SMC1B: variants seen among roughly 807,000 people sequenced by gnomAD.
SMC1B encodes the protein structural maintenance of chromosomes 1B.
Under a neutral mutation model 157.9 loss-of-function variants are expected in SMC1B, and 60 were observed. The ratio of observed to expected loss-of-function variants is 0.38; its 90% confidence interval spans 0.31 to 0.47. The LOEUF is 0.47. Among genes scored for constraint, SMC1B ranks in the 20% least tolerant of loss-of-function variants. SMC1B has a pLI of 0.99. For synonymous variants in SMC1B, 445 were observed against 483.0 expected (o/e 0.92, Z 1.03); for missense variants, 1,165 against 1,426.2 (o/e 0.82, Z 2.95).
chr22:45,392,586 G>A (rs978127263), intron 9 of SMC1B, among the ~76,000 whole-genome samples: 13 of 151,796 alleles, frequency 8.6e-5, no homozygotes, highest in Non-Finnish European at 2.9e-5. Flanking sequence ...TCCAGAAGTC[G>A]AAACCAACAT....
intron 21 of SMC1B, 81 bp downstream of exon 21, chr22:45,353,897 A>AAAAAAAAAAAAAC: frequency 2.1e-6 from 1 of 482,232 alleles, no homozygotes; most frequent in Non-Finnish European, 3.3e-6. Context: ...TCCCACCAAA[A>AAAAAAAAAAAAAC]AAAAAAAAAA....
intron 14 of SMC1B, among the ~76,000 whole-genome samples, chr22:45,370,291 T>C (rs1323020601): frequency 6.6e-6 from 1 of 152,220 alleles, no homozygotes; most frequent in East Asian, 1.9e-4. Context: ...ATTGGCCTTA[T>C]TAAGTGCTTT....
At chr22:45,378,013 A>AT (rs1289785836) in intron 12 of SMC1B, among the ~76,000 whole-genome samples, 5 of 151,672 alleles carry the variant, frequency 3.3e-5, no homozygotes, top group Non-Finnish European at 5.9e-5. Flanking sequence ...TAATTTTTTA[A>AT]TTTTTTATTT....
rs538720413 is a variant in SMC1B at position 45,384,361 on chromosome 22, G to T, written c.1912-748C>A. ...TTGCCATGCAGAAACTCTTTATTAGGTGAATTCATTCATCTTTTATAGCTT... is the reference window on the plus strand; with the variant it reads ...TTGCCATGCAGAAACTCTTTATTAGTTGAATTCATTCATCTTTTATAGCTT... On this transcript the variant is annotated intron_variant, in intron 11 of 24. Coordinates refer to ENST00000357450, the MANE Select transcript of SMC1B (RefSeq NM_148674.5). Among the ~76,000 whole-genome samples, 36 of 152,074 alleles carry T rather than the reference G, an allele frequency of 2.4e-4. No homozygotes were observed. The South Asian group carries it at 7.1e-3, about 30-fold the overall frequency.
At position 45,344,514 on chromosome 22, in the gene SMC1B, T is replaced by A; in HGVS notation, c.*42A>T. The A allele has an allele frequency of 7.2e-7, 1 of 1,397,406 alleles. No individual in the cohort carries two copies. The highest frequency in any genetic ancestry group is 1.0e-6 in the Non-Finnish European group (1 of 983,716). The allele number at this position is 1,397,406 out of a possible 1,614,324, so 86.6% of individuals were successfully genotyped here. A position where few individuals can be genotyped will look rare whatever the true frequency, so the allele number is the denominator to read the frequency against. ...TGGAGGAGCTGTGTGAGTATTAGAG[T>A]GGGAACTGAACAGTGATCAGGTGAC... On this transcript the variant is annotated 3_prime_UTR_variant, in exon 25 of 25. Coordinates refer to ENST00000357450, the MANE Select transcript of SMC1B (RefSeq NM_148674.5).
chr22:45,409,259 A>G (rs2087299990), intron 1 of SMC1B, among the ~76,000 whole-genome samples: 2 of 152,144 alleles, frequency 1.3e-5, no homozygotes, highest in Non-Finnish European at 2.9e-5. Flanking sequence ...AAATCCTCTT[A>G]TACTCTAAAA....
chr22:45,349,015 A>ATTTTT (rs1183927337), intron 23 of SMC1B, among the ~76,000 whole-genome samples: 1 of 99,662 alleles, frequency 1.0e-5, no homozygotes, highest in South Asian at 3.3e-4. Context: ...ACAAGGACTG[A>ATTTTT]TTTTTTTTTT....
intron 11 of SMC1B, among the ~76,000 whole-genome samples, 192 bp downstream of exon 11, chr22:45,386,674 GT>G (rs904103683): frequency 1.8e-4 from 28 of 151,982 alleles, no homozygotes; most frequent in African/African-American, 4.8e-4. Flanking sequence ...TGCTATAAGA[GT>G]TTTTTTTCTA....
chr22:45,399,502 G>A, intron 5 of SMC1B, 149 bp from the exon 6 acceptor site: 1 of 731,258 alleles, frequency 1.4e-6, no homozygotes, highest in South Asian at 2.1e-5. Flanking sequence ...GCCAAAGGTT[G>A]AGCAAGGTCA....
At chr22:45,381,686 C>T (rs575687399) in intron 12 of SMC1B, among the ~76,000 whole-genome samples, 1 of 152,248 alleles carries the variant, frequency 6.6e-6, no homozygotes, top group South Asian at 2.1e-4. Flanking sequence ...CAGATGGAAC[C>T]TTAGCATGGA....
At chr22:45,363,123 G>A in intron 15 of SMC1B, 97 bp from the exon 16 acceptor site, 1 of 870,880 alleles carries the variant, frequency 1.1e-6, no homozygotes, top group Middle Eastern at 3.6e-4. Context: ...AAAGTAAAAG[G>A]AATACTATAA....
chr22:45,400,302 G>C (rs961871816), intron 5 of SMC1B, among the ~76,000 whole-genome samples: 4 of 151,928 alleles, frequency 2.6e-5, no homozygotes, highest in Non-Finnish European at 5.9e-5. Flanking sequence ...TATACAAGAT[G>C]ACAGTAGAAG....
chr22:45,361,715 G>T (rs980316180), intron 17 of SMC1B, 124 bp downstream of exon 17: 12 of 907,500 alleles, frequency 1.3e-5, no homozygotes, highest in African/African-American at 6.7e-5. Flanking sequence ...TGAAGGGTGT[G>T]ATGTGAGACC....
chr22:45,372,761 G>A (rs1473477393), intron 12 of SMC1B, among the ~76,000 whole-genome samples: 1 of 128,188 alleles, frequency 7.8e-6, no homozygotes, highest in African/African-American at 3.2e-5. Flanking sequence ...CGCCCAGACT[G>A]GAGTGCAGTG....
chr22:45,406,286 A>G (rs1409776132), intron 4 of SMC1B, among the ~76,000 whole-genome samples, 174 bp downstream of exon 4: 1 of 152,198 alleles, frequency 6.6e-6, no homozygotes, highest in African/African-American at 2.4e-5. Flanking sequence ...ATTCGGAAAG[A>G]AAAACCCAAA....
intron 15 of SMC1B, among the ~76,000 whole-genome samples, chr22:45,369,395 C>T (rs773939376): frequency 4.0e-5 from 6 of 151,886 alleles, no homozygotes; most frequent in Non-Finnish European, 8.8e-5. Flanking sequence ...TGCACCTGGC[C>T]TATTGTCTTA....
intron 14 of SMC1B, among the ~76,000 whole-genome samples, chr22:45,370,649 C>T (rs1272393559): frequency 6.6e-6 from 1 of 152,092 alleles, no homozygotes; most frequent in Non-Finnish European, 1.5e-5. Context: ...GTATGACTGA[C>T]GCAGTAGTAA....
chr22:45,357,190 C>T (rs2086678436), intron 19 of SMC1B, among the ~76,000 whole-genome samples: 1 of 152,214 alleles, frequency 6.6e-6, no homozygotes, highest in Non-Finnish European at 1.5e-5. Flanking sequence ...CAAAAGACAG[C>T]TTCTTTCATC....
At chr22:45,392,183 A>C (rs1176794091) in intron 9 of SMC1B, among the ~76,000 whole-genome samples, 1 of 152,070 alleles carries the variant, frequency 6.6e-6, no homozygotes, top group Admixed American at 6.6e-5. Context: ...TCCTGACCTC[A>C]AGTGATCCAT....
Sources: gnomAD v4.1 joint callset for allele counts (sites outside exome capture counted in the v4.1 genomes callset) on GRCh38, gnomAD v4.1.1 for gene constraint, MANE v1.5 for transcripts, NCBI Gene and HGNC (gene_info 2026-07-23, HGNC 2026-07-21) for gene names.